The following NBEAL1 variants were observed in gnomAD, a reference collection of about 807,000 sequenced individuals.
NBEAL1 encodes the protein neurobeachin like 1, also known as neurobeachin-like protein 1.
A neutral mutation model predicts 351.3 loss-of-function variants in NBEAL1; 273 were observed. That is an observed-to-expected ratio of 0.78 (90% CI 0.70 to 0.86). The LOEUF is 0.86. NBEAL1 is among the 40% of genes least tolerant of loss of function. The probability of loss-of-function intolerance (pLI) is 0.00; values close to 1 mark genes in which losing one functional copy is unlikely to be tolerated. For synonymous variants in NBEAL1, 1,050 were observed against 1,086.4 expected (o/e 0.97, Z 0.66); for missense variants, 2,961 against 3,201.3 (o/e 0.92, Z 1.81).
At chr2:203,116,124 A>C (rs2062691649) in intron 18 of NBEAL1, 54 bp downstream of exon 18, 2 of 1,209,134 alleles carry the variant, frequency 1.7e-6, no homozygotes, top group African/African-American at 1.5e-5. Flanking sequence ...TGTGAACTGC[A>C]GTTCCTTTTC....
intron 2 of NBEAL1, among the ~76,000 whole-genome samples, chr2:203,031,342 T>C (rs75041407): frequency 0.035 from 5,389 of 152,332 alleles, 306 homozygotes; most frequent in African/African-American, 0.12. Context: ...GTAATGAATA[T>C]TTGCTTCGTT....
intron 2 of NBEAL1, among the ~76,000 whole-genome samples, chr2:203,032,436 T>A (rs2060964165): frequency 6.6e-6 from 1 of 152,002 alleles, no homozygotes; most frequent in Admixed American, 6.6e-5. Context: ...GGCGGGCAGA[T>A]CATGGGGTCA....
At chr2:203,141,157 ATAGT>A (rs1483623717) in intron 31 of NBEAL1, among the ~76,000 whole-genome samples, 1 of 150,558 alleles carries the variant, frequency 6.6e-6, no homozygotes, top group Non-Finnish European at 1.5e-5. Context: ...AGCATGCTAG[ATAGT>A]TCTTTATTTT....
chr2:203,156,497 A>C (rs1347290275), intron 35 of NBEAL1, among the ~76,000 whole-genome samples: 1 of 152,124 alleles, frequency 6.6e-6, no homozygotes, highest in Non-Finnish European at 1.5e-5. Context: ...CCTTCTTTTC[A>C]CTTTTTATTG....
chr2:203,067,701 CTG>C, intron 6 of NBEAL1, among the ~76,000 whole-genome samples: 1 of 152,192 alleles, frequency 6.6e-6, no homozygotes, highest in South Asian at 2.1e-4. Context: ...GAAAAAATAT[CTG>C]TGATTTTAAA....
intron 2 of NBEAL1, among the ~76,000 whole-genome samples, chr2:203,038,410 A>G (rs1414527376): frequency 6.7e-6 from 1 of 149,142 alleles, no homozygotes. Flanking sequence ...TGGGTATATA[A>G]TAGTACCTTA....
intron 26 of NBEAL1, among the ~76,000 whole-genome samples, chr2:203,132,779 T>C (rs1318050659): frequency 6.6e-6 from 1 of 152,206 alleles, no homozygotes; most frequent in African/African-American, 2.4e-5. Flanking sequence ...TAGTTTACAA[T>C]CTTGTTGATA....
In NBEAL1 at chr2:203,208,535, C is replaced by A; in HGVS notation, c.7507-102C>A. On this transcript the variant is annotated intron_variant, in intron 51 of 55. Coordinates refer to ENST00000683969, the MANE Select transcript of NBEAL1 (RefSeq NM_001378026.1). ...TAGACTCAGTGGTTGTAACTAGTTG[C>A]AATGTTAGTTTGTGATTAGAAGGTT... is the stretch of plus-strand genomic sequence containing the variant. The A allele has an allele frequency of 5.4e-6, 4 of 743,730 alleles. No individual in the cohort carries two copies. In the South Asian group the frequency reaches 6.3e-5, roughly 12 times the overall value. The allele number at this position is 743,730 out of a possible 1,614,324, so 46.1% of individuals were successfully genotyped here.
chr2:203,169,616 A>G (rs1437285426), intron 38 of NBEAL1, 131 bp from the exon 39 acceptor site: 3 of 495,912 alleles, frequency 6.0e-6, no homozygotes, highest in Non-Finnish European at 1.1e-5. Flanking sequence ...AACAAAACAA[A>G]ACAAAACACA....
At chr2:203,171,555 T>G (rs2064319672) in intron 39 of NBEAL1, among the ~76,000 whole-genome samples, 1 of 149,998 alleles carries the variant, frequency 6.7e-6, no homozygotes, top group Non-Finnish European at 1.5e-5. Flanking sequence ...TAATGAGCTG[T>G]GATTGCTTCA....
At chr2:203,122,180 G>A (rs1234622590) in intron 18 of NBEAL1, 74 bp from the exon 19 acceptor site, 2 of 797,706 alleles carry the variant, frequency 2.5e-6, no homozygotes, top group Middle Eastern at 3.2e-4. Flanking sequence ...GTATTATGGT[G>A]AAATGTTCTA....
chr2:203,026,490 G>A (rs968074371), intron 2 of NBEAL1, among the ~76,000 whole-genome samples: 6 of 151,670 alleles, frequency 4.0e-5, no homozygotes, highest in African/African-American at 1.2e-4. Context: ...TTGGTATTCA[G>A]TAGTTGCCAT....
At chr2:203,040,776 G>T in intron 2 of NBEAL1, 1 of 548,096 alleles carries the variant, frequency 1.8e-6, no homozygotes. Context: ...GAGTGCAGTA[G>T]TGTGATCTTG....
intron 2 of NBEAL1, among the ~76,000 whole-genome samples, chr2:203,024,104 G>A (rs1023868504): frequency 6.9e-6 from 1 of 145,548 alleles, no homozygotes; most frequent in African/African-American, 2.5e-5. Context: ...GGCAGGGTGG[G>A]AGATTTGCTT....
intron 24 of NBEAL1, among the ~76,000 whole-genome samples, chr2:203,128,139 C>T (rs1449004462): frequency 1.3e-5 from 2 of 151,332 alleles, no homozygotes; most frequent in South Asian, 2.1e-4. Flanking sequence ...GGCTGGAGTG[C>T]AGTGGCACGA....
At chr2:203,122,477 T>C in intron 19 of NBEAL1, 134 bp downstream of exon 19, 1 of 593,784 alleles carries the variant, frequency 1.7e-6, no homozygotes, top group East Asian at 3.3e-5. Flanking sequence ...AACATACAAT[T>C]TGAAGGGTAA....
chr2:203,077,109 CA>C (rs1356586411), intron 7 of NBEAL1, among the ~76,000 whole-genome samples: 1 of 151,882 alleles, frequency 6.6e-6, no homozygotes, highest in Admixed American at 6.6e-5. Context: ...AAAGAAAAAG[CA>C]GCATAAAGAC....
At chr2:203,139,687 C>A (rs901722354) in intron 31 of NBEAL1, among the ~76,000 whole-genome samples, 2 of 149,580 alleles carry the variant, frequency 1.3e-5, no homozygotes, top group Non-Finnish European at 3.0e-5. Context: ...GCCTCAGCCT[C>A]CAAAGTAGCT....
chr2:203,213,540 T>G lies in NBEAL1; in HGVS notation c.7957T>G (p.Leu2653Val). The G allele has an allele frequency of 6.2e-7, 1 of 1,613,806 alleles. No individual in the cohort carries two copies. Among genetic ancestry groups the G allele is most frequent in the South Asian group, 1.1e-5 (1 of 90,986 alleles). Residue 2653 changes from leucine to valine, a missense_variant, in exon 55 of 56, where the codon TTA becomes GTA. By Grantham distance (32) the Leu-to-Val change is conservative. Coordinates refer to ENST00000683969, the MANE Select transcript of NBEAL1 (RefSeq NM_001378026.1). ...LHSLNLSINP[L>V]AMRLPIHCVC... ...TAGCTTGAATCTCAGCATCAACCCATTAGCCATGCGACTGCCTATCCATTG... is the reference window on the plus strand; with the variant it reads ...TAGCTTGAATCTCAGCATCAACCCAGTAGCCATGCGACTGCCTATCCATTG...
Sources: gnomAD v4.1 joint callset for allele counts (sites outside exome capture counted in the v4.1 genomes callset) on GRCh38, gnomAD v4.1.1 for gene constraint, MANE v1.5 for transcripts, NCBI Gene and HGNC (gene_info 2026-07-23, HGNC 2026-07-21) for gene names.